Variants in CNTNAP2 observed in about 807,000 individuals in gnomAD.
CNTNAP2 encodes contactin-associated protein-like 2.
Under a neutral mutation model 155.2 loss-of-function variants are expected in CNTNAP2, and 98 were observed. The ratio of observed to expected loss-of-function variants is 0.63; its 90% CI spans 0.54 to 0.75. CNTNAP2 has a LOEUF of 0.75. Among genes scored for constraint, CNTNAP2 ranks in the 30% least tolerant of loss-of-function variants. CNTNAP2 has a pLI of 0.00. For missense variants in CNTNAP2, 1,727 were observed against 1,688.1 expected, an observed-to-expected ratio of 1.02 and a Z score of -0.40; for synonymous variants, 651 against 631.2, an observed-to-expected ratio of 1.03 and a Z score of -0.47.
intron 11 of CNTNAP2, among the ~76,000 whole-genome samples, chr7:147,561,614 T>C (rs1800065910): frequency 6.6e-6 from 1 of 152,222 alleles, no homozygotes; most frequent in Non-Finnish European, 1.5e-5. Flanking sequence ...TCTTTCCTTT[T>C]TTTGAGAAAG....
intron 22 of CNTNAP2, among the ~76,000 whole-genome samples, chr7:148,408,108 G>T (rs1385169774): frequency 6.6e-6 from 1 of 152,014 alleles, no homozygotes; most frequent in Non-Finnish European, 1.5e-5. Context: ...AGCCAGGCAT[G>T]GTGGCAGGTG....
rs191164334 is a variant in CNTNAP2, at chr7:147,706,126, C to A, written c.2098+66820C>A. On this transcript the variant is annotated intron_variant, in intron 13 of 23. Transcript: ENST00000361727. ...AGTTATTTTGTAATGTCTTTTGATT[C>A]TCTTTCTCTCCTATTGTTTATTATA... Among the ~76,000 whole-genome samples the A allele has an allele frequency of 7.8e-3, 1,156 of 148,660 alleles. 11 individuals are homozygous for A. Among genetic ancestry groups the A allele is most frequent in the Non-Finnish European group, 0.012 (811 of 67,350 alleles).
intron 3 of CNTNAP2, among the ~76,000 whole-genome samples, chr7:146,892,173 A>G (rs767067455): frequency 3.4e-4 from 52 of 152,180 alleles, no homozygotes; most frequent in African/African-American, 5.3e-4. Flanking sequence ...GGCCCACTCA[A>G]TGGCTGGCAA....
At chr7:148,066,338 G>A (rs1803261705) in intron 15 of CNTNAP2, among the ~76,000 whole-genome samples, 1 of 152,114 alleles carries the variant, frequency 6.6e-6, no homozygotes, top group South Asian at 2.1e-4. Context: ...TCTCTAACAA[G>A]GCCAGGGAAG....
At chr7:147,827,244 C>G (rs1252553620) in intron 13 of CNTNAP2, among the ~76,000 whole-genome samples, 1 of 152,094 alleles carries the variant, frequency 6.6e-6, no homozygotes, top group Non-Finnish European at 1.5e-5. Flanking sequence ...CAAAAGTTTT[C>G]TCTGTTTGCC....
At chr7:147,328,717 C>A (rs1312018706) in intron 9 of CNTNAP2, among the ~76,000 whole-genome samples, 1 of 152,090 alleles carries the variant, frequency 6.6e-6, no homozygotes, top group East Asian at 1.9e-4. Context: ...AAGTAAAAAT[C>A]ATTGGAGAGG....
intron 20 of CNTNAP2, among the ~76,000 whole-genome samples, chr7:148,232,350 C>T (rs1795979620): frequency 6.6e-6 from 1 of 152,112 alleles, no homozygotes; most frequent in Non-Finnish European, 1.5e-5. Context: ...GCAATTTTTT[C>T]TTAAAACAAT....
At chr7:147,629,646 G>GA (rs909291244) in intron 12 of CNTNAP2, among the ~76,000 whole-genome samples, 1 of 151,652 alleles carries the variant, frequency 6.6e-6, no homozygotes, top group Non-Finnish European at 1.5e-5. Context: ...GACCACAGTG[G>GA]AAAAAAAGTG....
intron 9 of CNTNAP2, among the ~76,000 whole-genome samples, chr7:147,376,536 T>G (rs1447619110): frequency 1.3e-5 from 2 of 152,020 alleles, no homozygotes; most frequent in Non-Finnish European, 2.9e-5. Flanking sequence ...TATACTAACC[T>G]TCCTTATCTC....
At chr7:146,993,593 G>A (rs548884569) in intron 3 of CNTNAP2, among the ~76,000 whole-genome samples, 11 of 152,134 alleles carry the variant, frequency 7.2e-5, no homozygotes, top group Non-Finnish European at 1.0e-4. Context: ...ATGGTGGCCC[G>A]ACATTCCTGG....
At chr7:146,180,143 A>C (rs1368812835) in intron 1 of CNTNAP2, among the ~76,000 whole-genome samples, 1 of 152,190 alleles carries the variant, frequency 6.6e-6, no homozygotes, top group African/African-American at 2.4e-5. Flanking sequence ...AACTCTGTGT[A>C]GCTTTTTTCA....
At chr7:148,394,616 G>C (rs760500598) in intron 22 of CNTNAP2, among the ~76,000 whole-genome samples, 1 of 152,292 alleles carries the variant, frequency 6.6e-6, no homozygotes, top group East Asian at 1.9e-4. Context: ...TACACCATGC[G>C]TGTCTTCTCC....
intron 16 of CNTNAP2, among the ~76,000 whole-genome samples, chr7:148,126,060 G>C (rs868482571): frequency 1.3e-5 from 2 of 152,018 alleles, no homozygotes; most frequent in African/African-American, 4.8e-5. Flanking sequence ...AATATGCTGT[G>C]GTTACTTAGA....
chr7:148,120,464 G>A (rs987806522), intron 16 of CNTNAP2, among the ~76,000 whole-genome samples: 7 of 151,826 alleles, frequency 4.6e-5, no homozygotes, highest in African/African-American at 1.7e-4. Flanking sequence ...GCGGGATCTC[G>A]CCATGTCGGC....
chr7:146,358,169 G>C lies in CNTNAP2; in HGVS notation c.97+241196G>C, dbSNP rs190193073. Among the ~76,000 whole-genome samples, 381 of 152,152 alleles carry C rather than the reference G, an allele frequency of 2.5e-3. 4 individuals are homozygous for C. Among genetic ancestry groups the C allele is most frequent in the African/African-American group, 8.6e-3 (356 of 41,520 alleles). ...CCTGCCTCAGCCTCCCGAGTAGCTGGGAGTACAGGTGCCCGCCACCATGCC... is the reference window on the plus strand; with the variant it reads ...CCTGCCTCAGCCTCCCGAGTAGCTGCGAGTACAGGTGCCCGCCACCATGCC... On this transcript the variant is annotated intron_variant, in intron 1 of 23. Transcript: ENST00000361727.
At chr7:147,917,064 C>T (rs1033535763) in intron 14 of CNTNAP2, among the ~76,000 whole-genome samples, 1 of 152,202 alleles carries the variant, frequency 6.6e-6, no homozygotes, top group Non-Finnish European at 1.5e-5. Flanking sequence ...TAAATCTAAG[C>T]AATGGTATTG....
chr7:148,415,217 C>CAAGT (rs1799952730), intron 23 of CNTNAP2, among the ~76,000 whole-genome samples, 200 bp from the exon 24 acceptor site: 1 of 152,224 alleles, frequency 6.6e-6, no homozygotes, highest in Admixed American at 6.5e-5. Flanking sequence ...GGCTGGAAGA[C>CAAGT]AAGTTACTCC....
At chr7:146,312,912 G>C (rs1225419099) in intron 1 of CNTNAP2, among the ~76,000 whole-genome samples, 1 of 152,038 alleles carries the variant, frequency 6.6e-6, no homozygotes, top group African/African-American at 2.4e-5. Context: ...AGGGTATATA[G>C]TATTCCATAG....
chr7:147,400,931 C>T (rs539901276), intron 10 of CNTNAP2, among the ~76,000 whole-genome samples: 1 of 152,302 alleles, frequency 6.6e-6, no homozygotes, highest in East Asian at 1.9e-4. Flanking sequence ...CTAGTCCCCA[C>T]TTCTAAAATT....
Sources: allele counts gnomAD v4.1 joint callset (sites outside exome capture counted in the v4.1 genomes callset), GRCh38; gene constraint gnomAD v4.1.1; transcripts MANE v1.5; gene names NCBI Gene and HGNC (gene_info 2026-07-23, HGNC 2026-07-21).